The following SEMA4D variants were observed in gnomAD, a reference collection of about 807,000 sequenced individuals.
The protein encoded by SEMA4D is semaphorin-4D.
A neutral mutation model predicts 74.8 loss-of-function variants in SEMA4D; 22 were observed. The observed-to-expected ratio is 0.29, with a 90% CI of 0.21 to 0.42. The LOEUF is 0.42. Among genes scored for constraint, SEMA4D ranks in the 10% least tolerant of loss-of-function variants. The pLI is 1.00. For missense variants in SEMA4D, 937 were observed against 1,118.4 expected (o/e 0.84, Z 2.31); for synonymous variants, 445 against 463.7 (o/e 0.96, Z 0.52).
At chr9:89,395,883 C>T (rs978579890) in intron 6 of SEMA4D, among the ~76,000 whole-genome samples, 2 of 152,162 alleles carry the variant, frequency 1.3e-5, no homozygotes, top group South Asian at 2.1e-4. Context: ...GCAAATGATG[C>T]TTTTCACTGT....
At chr9:89,468,429 A>G (rs532795819) in intron 1 of SEMA4D, among the ~76,000 whole-genome samples, 8 of 152,336 alleles carry the variant, frequency 5.3e-5, no homozygotes, top group African/African-American at 1.4e-4. Flanking sequence ...ATGAAAGCTG[A>G]CAACAGAGCG....
Position 89,388,827 on chromosome 9 carries a change from C to T in SEMA4D, c.951-35G>A, listed in dbSNP as rs373690498. ...GGAAAGAGGTGACGGGACCACCTGG[C>T]GGCATCAAGGGAGCAAGGAGGGGGA... On this transcript the variant is annotated intron_variant, in intron 10 of 15. Transcript: ENST00000422704. The T allele has an allele frequency of 4.5e-5, 73 of 1,606,056 alleles. No individual in the cohort carries two copies. The African/African-American group carries it at 8.3e-4, about 18-fold the overall frequency.
At chr9:89,412,681 C>T (rs1264811827) in intron 2 of SEMA4D, among the ~76,000 whole-genome samples, 1 of 152,076 alleles carries the variant, frequency 6.6e-6, no homozygotes, top group Non-Finnish European at 1.5e-5. Context: ...ACCAGATTCT[C>T]GATGGCATAA....
chr9:89,430,419 T>C (rs995155174), intron 2 of SEMA4D, among the ~76,000 whole-genome samples: 1 of 152,120 alleles, frequency 6.6e-6, no homozygotes, highest in Non-Finnish European at 1.5e-5. Context: ...GGGGTGGCTA[T>C]TGTCCAGACG....
rs1164577275 is a variant in SEMA4D, at chr9:89,399,184, G to A, written c.315+92C>T. On this transcript the variant is annotated intron_variant, in intron 5 of 15. Transcript: ENST00000422704. ...ATGAACAGAGCCTGGAGAAAAGGCT[G>A]GCCTGCACTGCAGGCATGCTGGCAT... 3.8e-6 allele frequency: 4 copies of A among 1,059,932 alleles called. No homozygotes were observed. The Admixed American group carries it at 5.2e-5, about 14-fold the overall frequency. The allele number at this position is 1,059,932 out of a possible 1,614,324, so 65.7% of individuals were successfully genotyped here. A position where few individuals can be genotyped will look rare whatever the true frequency, so the allele number is the denominator to read the frequency against.
chr9:89,482,745 C>T (rs1258165812), intron 1 of SEMA4D, among the ~76,000 whole-genome samples: 1 of 152,192 alleles, frequency 6.6e-6, no homozygotes, highest in African/African-American at 2.4e-5. Context: ...CCAGATGACA[C>T]CATCACTTAT....
At chr9:89,385,063 G>A in intron 13 of SEMA4D, 1 of 984,092 alleles carries the variant, frequency 1.0e-6, no homozygotes, top group Admixed American at 6.1e-5. Flanking sequence ...TCCTCCTCCT[G>A]GGCGCGAGGC....
At chr9:89,491,655 C>T (rs187456303) in intron 1 of SEMA4D, among the ~76,000 whole-genome samples, 42 of 152,292 alleles carry the variant, frequency 2.8e-4, no homozygotes, top group African/African-American at 9.6e-4. Context: ...TCTGCATTTC[C>T]CAGGGGTGCA....
At chr9:89,461,169 C>T (rs1857112600) in intron 1 of SEMA4D, among the ~76,000 whole-genome samples, 1 of 152,088 alleles carries the variant, frequency 6.6e-6, no homozygotes, top group Admixed American at 6.5e-5. Flanking sequence ...TCTCCCCCTA[C>T]AAAATGACCA....
chr9:89,497,490 G>C (rs1302733092), intron 1 of SEMA4D: 1 of 151,924 alleles, frequency 6.6e-6, no homozygotes, highest in Non-Finnish European at 1.5e-5. Flanking sequence ...GCCTGACCTG[G>C]CGGGGCCGGA....
At chr9:89,376,500 C>T (rs976234024), downstream of SEMA4D, 6 of 218,582 alleles carry the variant, frequency 2.7e-5, no homozygotes, top group East Asian at 2.0e-4. Context: ...CCTGACCACT[C>T]GTTGTGTATT....
chr9:89,483,857 T>C (rs1588184823), intron 1 of SEMA4D, among the ~76,000 whole-genome samples: 1 of 152,238 alleles, frequency 6.6e-6, no homozygotes, highest in East Asian at 1.9e-4. Flanking sequence ...AAGAAGCTTT[T>C]GTATTGTAAT....
At chr9:89,424,782 G>A (rs1265197232) in intron 2 of SEMA4D, among the ~76,000 whole-genome samples, 1 of 152,044 alleles carries the variant, frequency 6.6e-6, no homozygotes, top group Non-Finnish European at 1.5e-5. Context: ...ACCTGTAAGG[G>A]AATGACACCA....
rs1825688233 is a variant in SEMA4D, at chr9:89,492,274, G to A, written c.-310+5645C>T. On this transcript the variant is annotated intron_variant, in intron 1 of 15. Transcript: ENST00000422704. The surrounding 1 kb of genome is among the most constrained non-coding windows in gnomAD (Gnocchi z 4.3). Reference sequence around the variant, plus strand: ...CCTCCCTCTCATGCAAGCTGCATGTGGCCTCCAGGATGCCCTCAGAACCCT... The same window carrying A: ...CCTCCCTCTCATGCAAGCTGCATGTAGCCTCCAGGATGCCCTCAGAACCCT... Among the ~76,000 whole-genome samples the A allele has an allele frequency of 6.6e-6, 1 of 152,026 alleles. No individual in the cohort carries two copies. Among genetic ancestry groups the A allele is most frequent in the South Asian group, 2.1e-4 (1 of 4,820 alleles).
chr9:89,399,018 C>A (rs1037764296), intron 5 of SEMA4D, among the ~76,000 whole-genome samples: 1 of 152,184 alleles, frequency 6.6e-6, no homozygotes, highest in Non-Finnish European at 1.5e-5. Context: ...CATCTGAATA[C>A]ATTCAATTCA....
intron 18 of SEMA4D, among the ~76,000 whole-genome samples, chr9:89,362,917 C>T (rs1047831033): frequency 1.3e-5 from 2 of 152,138 alleles, no homozygotes; most frequent in Non-Finnish European, 2.9e-5. Flanking sequence ...AGACAGGGAG[C>T]CTCTAGGGAG....
chr9:89,429,125 G>A (rs1053527861), intron 2 of SEMA4D, among the ~76,000 whole-genome samples: 10 of 152,284 alleles, frequency 6.6e-5, no homozygotes, highest in African/African-American at 1.9e-4. Context: ...GGTTACCCAC[G>A]GGGCAGCCTG....
At chr9:89,462,872 A>G (rs186320386) in intron 1 of SEMA4D, among the ~76,000 whole-genome samples, 79 of 61,488 alleles carry the variant, frequency 1.3e-3, no homozygotes, top group African/African-American at 4.9e-3. Context: ...TGAGCCTGGG[A>G]GTTTGAGGCT....
Position 89,461,700 on chromosome 9 carries a change from CTT to C in SEMA4D, c.-309-5749_-309-5748del, listed in dbSNP as rs61696689. Among the ~76,000 whole-genome samples, 59 of 103,638 alleles carry C rather than the reference CTT, an allele frequency of 5.7e-4. 1 individual carries two copies. The highest frequency in any genetic ancestry group is 1.7e-3 in the African/African-American group (49 of 28,832). 68.0% of individuals were successfully genotyped at this position (103,638 alleles called of 152,430 possible). On this transcript the variant is annotated intron_variant, in intron 1 of 15. Coordinates refer to ENST00000422704, the MANE Select transcript of SEMA4D (RefSeq NM_001371194.2). Reference sequence around the variant, plus strand: ...GGGCCAATGTGTATTTCTTTTTTCTCTTTTTTTTTTTTTTTTTTTGGAGACAG... The same window carrying C: ...GGGCCAATGTGTATTTCTTTTTTCTCTTTTTTTTTTTTTTTTTGGAGACAG...
Sources: allele counts gnomAD v4.1 joint callset (sites outside exome capture counted in the v4.1 genomes callset), GRCh38; gene constraint gnomAD v4.1.1; non-coding constraint Gnocchi (gnomAD v3.1); transcripts MANE v1.5; gene names NCBI Gene and HGNC (gene_info 2026-07-23, HGNC 2026-07-21).